The following WDFY3 variants were observed in gnomAD, a reference collection of about 807,000 sequenced individuals.
WDFY3 encodes the protein WD repeat and FYVE domain containing 3, also known as WD repeat and FYVE domain-containing protein 3.
WDFY3 carries 66 observed loss-of-function variants against 409.6 expected under a neutral mutation model. The observed-to-expected ratio is 0.16, with a 90% CI of 0.13 to 0.20. The LOEUF is 0.20. Among genes scored for constraint, WDFY3 ranks in the 10% least tolerant of loss-of-function variants. The probability of loss-of-function intolerance (pLI) is 1.00; values close to 1 mark genes in which losing one functional copy is unlikely to be tolerated. For synonymous variants in WDFY3, 1,521 were observed against 1,537.1 expected, an observed-to-expected ratio of 0.99 and a Z score of 0.25; for missense variants, 3,031 against 4,298.1, an observed-to-expected ratio of 0.71 and a Z score of 8.24.
chr4:84,801,182 T>A lies in WDFY3; in HGVS notation c.2822+468A>T, dbSNP rs546679260. The stretch of plus-strand genomic sequence containing the variant: ...ATTGTATGTGCACATGAATACATCA[T>A]ACCAATATCAATTTCTTGGTTTGGA... On this transcript the variant is annotated intron_variant, in intron 17 of 67. Coordinates refer to ENST00000295888, the MANE Select transcript of WDFY3 (RefSeq NM_014991.6). Among the ~76,000 whole-genome samples, 169 of 152,346 alleles carry A rather than the reference T, an allele frequency of 1.1e-3. 2 individuals carry two copies. Among genetic ancestry groups the A allele is most frequent in the African/African-American group, 3.8e-3 (157 of 41,582 alleles).
chr4:84,798,187 T>C lies in WDFY3; in HGVS notation c.2823-79A>G, dbSNP rs527264693. ...ATTAACCAAATATTCAGAAAAAGAA[T>C]TTAATAAATTCCAACAGACTAATTA... On this transcript the variant is annotated intron_variant, in intron 17 of 67. Transcript: ENST00000295888. 131 of 1,236,528 alleles carry C rather than the reference T, an allele frequency of 1.1e-4. No individual in the cohort carries two copies. In the East Asian group the frequency reaches 3.3e-3, roughly 31 times the overall value. The allele number at this position is 1,236,528 out of a possible 1,614,324, so 76.6% of individuals were successfully genotyped here. A position where few individuals can be genotyped will look rare whatever the true frequency, so the allele number is the denominator to read the frequency against.
chr4:84,824,730 T>G (rs1400661229), intron 10 of WDFY3, among the ~76,000 whole-genome samples: 1 of 152,158 alleles, frequency 6.6e-6, no homozygotes. Flanking sequence ...ATTGAGTAGA[T>G]TTAATGTACA....
chr4:84,864,323 G>A (rs114715177), intron 3 of WDFY3, among the ~76,000 whole-genome samples: 9 of 134,920 alleles, frequency 6.7e-5, no homozygotes, highest in South Asian at 4.5e-4. Flanking sequence ...CTGAGATGGC[G>A]CCACTGCACT....
chr4:84,795,269 T>C (rs767000071), intron 19 of WDFY3, among the ~76,000 whole-genome samples: 35 of 152,102 alleles, frequency 2.3e-4, no homozygotes, highest in Non-Finnish European at 4.9e-4. Context: ...ATCAAGACAT[T>C]AGAACAATTT....
chr4:84,953,528 TG>T (rs1231753439), intron 1 of WDFY3, among the ~76,000 whole-genome samples: 1 of 152,154 alleles, frequency 6.6e-6, no homozygotes, highest in Non-Finnish European at 1.5e-5. Flanking sequence ...TAACATCATG[TG>T]AATATCTTAA....
intron 2 of WDFY3, among the ~76,000 whole-genome samples, chr4:84,901,914 A>C (rs1766388365): frequency 6.6e-6 from 1 of 152,194 alleles, no homozygotes; most frequent in African/African-American, 2.4e-5. Flanking sequence ...AAAGTCCTGA[A>C]TGCAATATTT....
chr4:84,858,967 C>T (rs1760159103), intron 4 of WDFY3, among the ~76,000 whole-genome samples: 1 of 151,266 alleles, frequency 6.6e-6, no homozygotes, highest in South Asian at 2.1e-4. Flanking sequence ...AGATGAAAGG[C>T]ATAGAGAGAG....
Position 84,690,643 on chromosome 4 carries a change from A to G in WDFY3, c.9226T>C (p.Leu3076=). The G allele has an allele frequency of 6.2e-7, 1 of 1,613,906 alleles. No homozygotes were observed. Among genetic ancestry groups the G allele is most frequent in the Non-Finnish European group, 8.5e-7 (1 of 1,179,890 alleles). ...SDKAMTVYEC[L]SEWGQILCAI... ...CAGAGAATCTGGCCCCACTCAGACA[A>G]GCATTCATAAACAGTCATGGCCTAT... Residue 3076 remains leucine, a synonymous_variant, in exon 61 of 68, where the codon TTG becomes CTG. Transcript: ENST00000295888.
At chr4:84,777,462 G>A (rs931853197) in intron 27 of WDFY3, among the ~76,000 whole-genome samples, 1 of 152,054 alleles carries the variant, frequency 6.6e-6, no homozygotes, top group Non-Finnish European at 1.5e-5. Context: ...CTGAAAGCTA[G>A]CAAAAGAAGT....
chr4:84,674,574 A>AAT (rs905111256), intron 67 of WDFY3, among the ~76,000 whole-genome samples: 21 of 150,534 alleles, frequency 1.4e-4, no homozygotes, highest in African/African-American at 5.1e-4. Flanking sequence ...CATCTCAAGA[A>AAT]ATATATATAT....
intron 30 of WDFY3, among the ~76,000 whole-genome samples, chr4:84,772,083 G>A (rs1215258542): frequency 6.6e-6 from 1 of 152,218 alleles, no homozygotes; most frequent in Non-Finnish European, 1.5e-5. Context: ...CCTCCAGGTA[G>A]ATGGGGTTGT....
chr4:84,764,881 AG>A (rs1181376404), intron 32 of WDFY3, among the ~76,000 whole-genome samples: 5 of 151,976 alleles, frequency 3.3e-5, no homozygotes, highest in Non-Finnish European at 5.9e-5. Flanking sequence ...AAAAAAAAAA[AG>A]ATCTGTCTTC....
intron 18 of WDFY3, among the ~76,000 whole-genome samples, chr4:84,797,537 A>G (rs982518811): frequency 1.3e-5 from 2 of 151,680 alleles, no homozygotes; most frequent in African/African-American, 4.8e-5. Flanking sequence ...ACTCTTAGCA[A>G]AGGAAATCAC....
intron 3 of WDFY3, among the ~76,000 whole-genome samples, chr4:84,880,723 A>G (rs1351678732): frequency 2.3e-5 from 2 of 87,552 alleles, no homozygotes; most frequent in Admixed American, 1.2e-4. Flanking sequence ...ATATATATAT[A>G]TATGTTTTTT....
intron 51 of WDFY3, among the ~76,000 whole-genome samples, chr4:84,711,773 C>T (rs949485882): frequency 2.0e-5 from 3 of 151,772 alleles, no homozygotes; most frequent in African/African-American, 7.3e-5. Context: ...ATCGTTTGAA[C>T]CTGGGACGCG....
chr4:84,790,608 G>A (rs1342825853), intron 21 of WDFY3, among the ~76,000 whole-genome samples: 1 of 152,182 alleles, frequency 6.6e-6, no homozygotes, highest in African/African-American at 2.4e-5. Flanking sequence ...AAATAAACAA[G>A]TGGGACTATC....
intron 44 of WDFY3, among the ~76,000 whole-genome samples, chr4:84,728,743 G>C (rs1485007589): frequency 6.6e-6 from 1 of 151,936 alleles, no homozygotes; most frequent in Non-Finnish European, 1.5e-5. Flanking sequence ...CTCACTGATT[G>C]ATTAACCGGT....
chr4:84,695,499 C>CAGAGAGAGAGAGAGAGAG (rs1217791319), intron 58 of WDFY3, among the ~76,000 whole-genome samples: 2 of 73,056 alleles, frequency 2.7e-5, no homozygotes, highest in East Asian at 4.9e-4. Context: ...CACACAGAGA[C>CAGAGAGAGAGAGAGAGAG]AGAGAGAGAT....
chr4:84,950,713 C>A (rs963233099), intron 1 of WDFY3, among the ~76,000 whole-genome samples: 1 of 152,120 alleles, frequency 6.6e-6, no homozygotes, highest in Non-Finnish European at 1.5e-5. Flanking sequence ...TCGTTTGAAC[C>A]CAGGAGGCGG....
Sources: gnomAD v4.1 joint callset for allele counts (sites outside exome capture counted in the v4.1 genomes callset) on GRCh38, gnomAD v4.1.1 for gene constraint, MANE v1.5 for transcripts, NCBI Gene and HGNC (gene_info 2026-07-23, HGNC 2026-07-21) for gene names.